Variants in CNTNAP2 observed in about 807,000 individuals in gnomAD.
CNTNAP2 encodes contactin associated protein 2, also known as contactin-associated protein-like 2.
Under a neutral mutation model 155.2 loss-of-function variants are expected in CNTNAP2, and 98 were observed. The ratio of observed to expected loss-of-function variants is 0.63; its 90% CI spans 0.54 to 0.75. The LOEUF (loss-of-function observed/expected upper bound fraction) is 0.75, where lower values mean the gene tolerates loss of function less well. Ranked by LOEUF, CNTNAP2 falls within the 30% of genes least tolerant of loss-of-function variation. CNTNAP2 has a pLI of 0.00. For missense variants in CNTNAP2, 1,727 were observed against 1,688.1 expected, an observed-to-expected ratio of 1.02 and a Z score of -0.40; for synonymous variants, 651 against 631.2, an observed-to-expected ratio of 1.03 and a Z score of -0.47.
At chr7:147,354,041 T>G (rs769008377) in intron 9 of CNTNAP2, among the ~76,000 whole-genome samples, 24 of 152,142 alleles carry the variant, frequency 1.6e-4, no homozygotes, top group African/African-American at 5.8e-4. Flanking sequence ...ATTAGCTCTT[T>G]ATCATATGGA....
At chr7:148,284,804 G>A (rs1797052845) in intron 21 of CNTNAP2, among the ~76,000 whole-genome samples, 1 of 152,030 alleles carries the variant, frequency 6.6e-6, no homozygotes, top group African/African-American at 2.4e-5. Flanking sequence ...TTAACAAATT[G>A]GAATAAAAAG....
chr7:147,057,185 G>A (rs1018756075), intron 4 of CNTNAP2, among the ~76,000 whole-genome samples: 1 of 152,024 alleles, frequency 6.6e-6, no homozygotes, highest in Admixed American at 6.5e-5. Flanking sequence ...ATTTGAAGTC[G>A]ATATCATGAA....
rs1044805464 is a variant in CNTNAP2, at chr7:146,316,741, T to A, written c.97+199768T>A. On this transcript the variant is annotated intron_variant, in intron 1 of 23. Transcript: ENST00000361727. ...TGTCCTGTATGACAGAAGTTTTAAA[T>A]GTGTTCAGGTTTTTTAATTTTTTTT... 3.3e-5 allele frequency among the ~76,000 whole-genome samples: 5 copies of A among 150,146 alleles called. No individual in the cohort carries two copies. The South Asian group carries it at 1.0e-3, about 31-fold the overall frequency.
At chr7:147,283,676 A>C (rs954375522) in intron 8 of CNTNAP2, among the ~76,000 whole-genome samples, 6 of 151,948 alleles carry the variant, frequency 3.9e-5, no homozygotes, top group African/African-American at 1.4e-4. Flanking sequence ...TTGCTGGATG[A>C]CATCTTCATC....
intron 1 of CNTNAP2, among the ~76,000 whole-genome samples, chr7:146,311,441 T>C (rs1365256253): frequency 6.6e-6 from 1 of 151,868 alleles, no homozygotes; most frequent in Non-Finnish European, 1.5e-5. Flanking sequence ...TAGTGATTGC[T>C]TCTTATGACA....
chr7:146,622,731 C>T (rs916339952), intron 1 of CNTNAP2, among the ~76,000 whole-genome samples: 22 of 151,842 alleles, frequency 1.4e-4, no homozygotes, highest in East Asian at 1.9e-4. Context: ...CCGAGGCAGG[C>T]GGATCACCTG....
At chr7:147,181,404 AC>A (rs1456608664) in intron 8 of CNTNAP2, among the ~76,000 whole-genome samples, 8 of 152,356 alleles carry the variant, frequency 5.3e-5, no homozygotes, top group Admixed American at 1.3e-4. Context: ...CATGTCTAAA[AC>A]TTTTTAAAGC....
chr7:147,740,994 A>G (rs141231888), intron 13 of CNTNAP2, among the ~76,000 whole-genome samples: 84 of 152,302 alleles, frequency 5.5e-4, no homozygotes, highest in East Asian at 4.4e-3. Flanking sequence ...CCCACCCCCA[A>G]TGGTCATTGG....
At chr7:147,317,761 G>GTT (rs1563158251) in intron 9 of CNTNAP2, among the ~76,000 whole-genome samples, 1 of 146,752 alleles carries the variant, frequency 6.8e-6, no homozygotes, top group Admixed American at 6.9e-5. Context: ...TCAAAAAAAG[G>GTT]ATATATATAT....
intron 1 of CNTNAP2, among the ~76,000 whole-genome samples, chr7:146,348,194 G>A (rs1196399180): frequency 2.6e-5 from 4 of 152,070 alleles, no homozygotes; most frequent in African/African-American, 9.7e-5. Flanking sequence ...CCTAGTGGGC[G>A]AGTCACCTGA....
At chr7:147,368,346 T>C in intron 9 of CNTNAP2, among the ~76,000 whole-genome samples, 1 of 152,008 alleles carries the variant, frequency 6.6e-6, no homozygotes. Context: ...GAGGATATTC[T>C]GAAGAATGTC....
intron 13 of CNTNAP2, among the ~76,000 whole-genome samples, chr7:147,762,157 A>T (rs777727806): frequency 2.2e-5 from 3 of 137,150 alleles, no homozygotes; most frequent in Non-Finnish European, 4.6e-5. Flanking sequence ...TCTCTGTCTC[A>T]CACACACACA....
intron 13 of CNTNAP2, among the ~76,000 whole-genome samples, chr7:147,750,803 C>T (rs914551541): frequency 6.6e-6 from 1 of 152,044 alleles, no homozygotes. Context: ...GTTTGGGAGG[C>T]CAAGGCGGGT....
At chr7:146,706,910 TA>T (rs1226384985) in intron 1 of CNTNAP2, among the ~76,000 whole-genome samples, 2 of 127,482 alleles carry the variant, frequency 1.6e-5, no homozygotes, top group African/African-American at 8.4e-5. Context: ...CCCCTGAACT[TA>T]AAAGTTAAAA....
chr7:147,397,265 G>A (rs1796832227), intron 10 of CNTNAP2, among the ~76,000 whole-genome samples: 1 of 151,998 alleles, frequency 6.6e-6, no homozygotes, highest in South Asian at 2.1e-4. Context: ...CATTAATAAT[G>A]TATCAGCTAT....
intron 10 of CNTNAP2, among the ~76,000 whole-genome samples, chr7:147,472,641 G>C (rs1399852921): frequency 6.6e-6 from 1 of 152,150 alleles, no homozygotes; most frequent in Admixed American, 6.5e-5. Context: ...GGTGGGTGGG[G>C]TTAGGAGGTT....
At chr7:146,447,993 A>G (rs192632886) in intron 1 of CNTNAP2, among the ~76,000 whole-genome samples, 3 of 152,168 alleles carry the variant, frequency 2.0e-5, no homozygotes, top group Admixed American at 6.5e-5. Context: ...GGATGATAAT[A>G]AGAGAGTCTC....
intron 1 of CNTNAP2, among the ~76,000 whole-genome samples, chr7:146,204,605 T>C (rs1221492707): frequency 6.6e-6 from 1 of 152,038 alleles, no homozygotes; most frequent in African/African-American, 2.4e-5. Flanking sequence ...CTCATGCCAG[T>C]CGTTTGTTGG....
chr7:147,736,671 G>C (rs1445359871), intron 13 of CNTNAP2, among the ~76,000 whole-genome samples: 1 of 152,202 alleles, frequency 6.6e-6, no homozygotes, highest in Non-Finnish European at 1.5e-5. Context: ...ATCAGACGTA[G>C]ATTTGGTCTT....
Sources: gnomAD v4.1 joint callset for allele counts (sites outside exome capture counted in the v4.1 genomes callset) on GRCh38, gnomAD v4.1.1 for gene constraint, MANE v1.5 for transcripts, NCBI Gene and HGNC (gene_info 2026-07-23, HGNC 2026-07-21) for gene names.